CACNA1E: variants seen among roughly 807,000 people sequenced by gnomAD.
The protein encoded by CACNA1E is voltage-dependent R-type calcium channel subunit alpha-1E.
A neutral mutation model predicts 259.2 loss-of-function variants in CACNA1E; 40 were observed. That is an observed-to-expected ratio of 0.15 (90% CI 0.12 to 0.20). CACNA1E has a LOEUF of 0.20. Ranked by LOEUF, CACNA1E falls within the 10% of genes least tolerant of loss-of-function variation. The probability of loss-of-function intolerance (pLI) is 1.00; values close to 1 mark genes in which losing one functional copy is unlikely to be tolerated. For missense variants in CACNA1E, 1,874 were observed against 3,040.1 expected, an observed-to-expected ratio of 0.62 and a Z score of 9.02; for synonymous variants, 1,104 against 1,138.5, an observed-to-expected ratio of 0.97 and a Z score of 0.61.
intron 3 of CACNA1E, among the ~76,000 whole-genome samples, chr1:181,548,744 A>G (rs1328125133): frequency 6.6e-6 from 1 of 152,250 alleles, no homozygotes; most frequent in East Asian, 1.9e-4. Context: ...GATGGTTTCC[A>G]GATGGGCAAA....
At chr1:181,325,138 A>T (rs1157831565) in intron 1 of CACNA1E, among the ~76,000 whole-genome samples, 1 of 152,170 alleles carries the variant, frequency 6.6e-6, no homozygotes, top group Admixed American at 6.5e-5. Context: ...GGAAGAGTTG[A>T]GTCAACACAG....
intron 6 of CACNA1E, among the ~76,000 whole-genome samples, chr1:181,591,338 G>C (rs549096601): frequency 6.6e-6 from 1 of 152,262 alleles, no homozygotes; most frequent in South Asian, 2.1e-4. Flanking sequence ...GCCCCAGCTT[G>C]TTTGCTTTTA....
intron 7 of CACNA1E, among the ~76,000 whole-genome samples, chr1:181,699,085 T>C (rs997024616): frequency 6.6e-6 from 1 of 152,214 alleles, no homozygotes. Flanking sequence ...AATTCTTAGA[T>C]TGACTACATT....
chr1:181,737,648 C>T lies in CACNA1E; in HGVS notation c.3546C>T (p.Arg1182=), dbSNP rs1656173841. The T allele has an allele frequency of 1.2e-6, 2 of 1,613,656 alleles. No homozygotes were observed. ...AEDPVLTNSE[R]NKVLRYFDYV... is the part of the protein sequence containing the mutation. The stretch of plus-strand genomic sequence containing the variant: ...ACCCCGTCCTGACCAACTCGGAGCG[C>T]AACAAAGTGGGTACACAGGGGCCAT... Residue 1182 remains arginine, a synonymous_variant, in exon 23 of 48, where the codon CGC becomes CGT. Transcript: ENST00000367573.
chr1:181,417,178 C>T (rs560569672), intron 2 of CACNA1E, among the ~76,000 whole-genome samples: 3 of 152,136 alleles, frequency 2.0e-5, no homozygotes, highest in Non-Finnish European at 4.4e-5. Flanking sequence ...AGACACTGAT[C>T]CTATTACCTT....
intron 3 of CACNA1E, among the ~76,000 whole-genome samples, chr1:181,556,144 C>T (rs1029707531): frequency 2.0e-5 from 3 of 152,124 alleles, no homozygotes; most frequent in Non-Finnish European, 4.4e-5. Context: ...TGTAAGGATG[C>T]AGGATGGGTT....
At chr1:181,733,074 G>C in intron 20 of CACNA1E, 40 bp downstream of exon 20, 1 of 1,520,932 alleles carries the variant, frequency 6.6e-7, no homozygotes, top group Non-Finnish European at 8.8e-7. Flanking sequence ...TGGCACACAG[G>C]CTGCTGTTAG....
At chr1:181,680,775 G>A (rs1649882316) in intron 7 of CACNA1E, among the ~76,000 whole-genome samples, 1 of 152,134 alleles carries the variant, frequency 6.6e-6, no homozygotes, top group Non-Finnish European at 1.5e-5. Flanking sequence ...ACGTTGGCCA[G>A]TTCCTTGAGA....
intron 7 of CACNA1E, among the ~76,000 whole-genome samples, chr1:181,682,342 C>G (rs927732781): frequency 1.3e-5 from 2 of 152,168 alleles, no homozygotes; most frequent in Non-Finnish European, 2.9e-5. Flanking sequence ...CCAAGATGCT[C>G]TAACTAGAAG....
At chr1:181,688,152 G>A (rs1650774698) in intron 7 of CACNA1E, among the ~76,000 whole-genome samples, 1 of 152,096 alleles carries the variant, frequency 6.6e-6, no homozygotes, top group Admixed American at 6.6e-5. Flanking sequence ...CTGATGCCAG[G>A]GAAACCCAAT....
At chr1:181,610,005 A>G (rs942401001) in intron 6 of CACNA1E, among the ~76,000 whole-genome samples, 1 of 152,186 alleles carries the variant, frequency 6.6e-6, no homozygotes, top group Non-Finnish European at 1.5e-5. Flanking sequence ...ATGTCTTGTT[A>G]TCCAGTTTTG....
At chr1:181,555,645 G>A (rs1648641589) in intron 3 of CACNA1E, among the ~76,000 whole-genome samples, 1 of 152,194 alleles carries the variant, frequency 6.6e-6, no homozygotes. Context: ...ACTTAATGGT[G>A]CATAAACTCA....
chr1:181,709,070 G>A lies in CACNA1E; in HGVS notation c.1056-1884G>A, dbSNP rs547691055. ...ATGGAGAGGCAGGGTGAATTCAAGTGCTTTTATGAAGGTAGAACCAACAGG... is the reference window on the plus strand; with the variant it reads ...ATGGAGAGGCAGGGTGAATTCAAGTACTTTTATGAAGGTAGAACCAACAGG... On this transcript the variant is annotated intron_variant, in intron 7 of 47. Coordinates refer to ENST00000367573, the MANE Select transcript of CACNA1E (RefSeq NM_001205293.3). Among the ~76,000 whole-genome samples, 9 of 152,312 alleles carry A rather than the reference G, an allele frequency of 5.9e-5. No individual in the cohort carries two copies. The East Asian group carries it at 1.7e-3, about 29-fold the overall frequency.
chr1:181,767,592 C>T (rs565894772), intron 35 of CACNA1E, among the ~76,000 whole-genome samples: 2 of 152,310 alleles, frequency 1.3e-5, no homozygotes, highest in South Asian at 4.1e-4. Flanking sequence ...CTTTTCCAGA[C>T]CCTTTCTGAA....
At chr1:181,627,460 G>T (rs773010271) in intron 6 of CACNA1E, among the ~76,000 whole-genome samples, 3 of 152,194 alleles carry the variant, frequency 2.0e-5, no homozygotes, top group African/African-American at 7.2e-5. Context: ...CCTTAGGAGT[G>T]GGGGGAGATA....
chr1:181,625,541 A>C (rs944841757), intron 6 of CACNA1E, among the ~76,000 whole-genome samples: 1 of 152,166 alleles, frequency 6.6e-6, no homozygotes, highest in Non-Finnish European at 1.5e-5. Context: ...AACCTCGTGG[A>C]CCAAGCTCTG....
intron 3 of CACNA1E, among the ~76,000 whole-genome samples, chr1:181,512,690 C>T (rs1558073491): frequency 6.6e-6 from 1 of 152,114 alleles, no homozygotes; most frequent in East Asian, 1.9e-4. Flanking sequence ...ATGTAATGGA[C>T]TGGAATATGT....
At chr1:181,747,763 G>A (rs1657227958) in intron 25 of CACNA1E, among the ~76,000 whole-genome samples, 1 of 152,188 alleles carries the variant, frequency 6.6e-6, no homozygotes, top group African/African-American at 2.4e-5. Flanking sequence ...CTCAATTAAG[G>A]TACTTGAAGA....
rs778247159 is a variant in CACNA1E, at chr1:181,795,051, A to T, written c.6208+7A>T. Reference sequence around the variant, plus strand: ...CGCCTGAACTCTGATTCAGGTGAGGAGGTCTTCAGTGTCCAGCTCTTTCAT... The same window carrying T: ...CGCCTGAACTCTGATTCAGGTGAGGTGGTCTTCAGTGTCCAGCTCTTTCAT... On this transcript the variant is annotated splice_region_variant and intron_variant, in intron 46 of 47. Transcript: ENST00000367573. 1.2e-6 allele frequency: 2 copies of T among 1,612,152 alleles called. No homozygotes were observed. The highest frequency in any genetic ancestry group is 1.7e-6 in the Non-Finnish European group (2 of 1,178,748).
Sources: allele counts gnomAD v4.1 joint callset (sites outside exome capture counted in the v4.1 genomes callset), GRCh38; gene constraint gnomAD v4.1.1; transcripts MANE v1.5; gene names NCBI Gene and HGNC (gene_info 2026-07-23, HGNC 2026-07-21).